ARHGEF38: variants seen among roughly 807,000 people sequenced by gnomAD.
ARHGEF38 encodes Rho guanine nucleotide exchange factor 38.
A neutral mutation model predicts 79.9 loss-of-function variants in ARHGEF38; 79 were observed. The ratio of observed to expected loss-of-function variants is 0.99; its 90% CI spans 0.82 to 1.19. The LOEUF is 1.19. ARHGEF38 is among the 50% of genes most tolerant of loss of function. ARHGEF38 has a pLI of 0.00. For synonymous variants in ARHGEF38, 366 were observed against 328.3 expected, an observed-to-expected ratio of 1.11 and a Z score of -1.24; for missense variants, 962 against 907.2, an observed-to-expected ratio of 1.06 and a Z score of -0.78.
chr4:105,602,217 G>T (rs948943682), intron 2 of ARHGEF38, among the ~76,000 whole-genome samples: 8 of 152,252 alleles, frequency 5.3e-5, no homozygotes, highest in African/African-American at 1.9e-4. Flanking sequence ...GTTTAAAAAT[G>T]AGTTAATTCC....
At chr4:105,604,029 T>C (rs1165781826) in intron 2 of ARHGEF38, among the ~76,000 whole-genome samples, 1 of 152,144 alleles carries the variant, frequency 6.6e-6, no homozygotes. Context: ...GGAGACATCC[T>C]GGGGAAGAAA....
Position 105,667,314 on chromosome 4 carries a change from T to C in ARHGEF38, c.1875T>C (p.Leu625=), listed in dbSNP as rs1039335307. The C allele has an allele frequency of 3.3e-6, 5 of 1,535,976 alleles. No individual in the cohort carries two copies. The South Asian group carries it at 4.8e-5, about 15-fold the overall frequency. Residue 625 remains leucine (L), a synonymous_variant, in exon 12 of 14, where the codon CTT becomes CTC. Coordinates refer to ENST00000420470, the MANE Select transcript of ARHGEF38 (RefSeq NM_001242729.2). ...CACTGGGGAGTACAAGCAGGTGGCT[T>C]GTGGACACAGGAAGTAAGTTTTTCC... The part of the protein sequence containing the change: ...KDPLGSTSRW[L]VDTGNVKGYV...
intron 3 of ARHGEF38, among the ~76,000 whole-genome samples, chr4:105,621,180 G>A (rs534749381): frequency 2.6e-5 from 4 of 152,172 alleles, no homozygotes; most frequent in Non-Finnish European, 4.4e-5. Context: ...GATGTCAAGT[G>A]TAGCAAAAGA....
chr4:105,613,127 G>A (rs1024104557), intron 2 of ARHGEF38, among the ~76,000 whole-genome samples: 1 of 151,900 alleles, frequency 6.6e-6, no homozygotes, highest in Non-Finnish European at 1.5e-5. Context: ...TTCCCATTCT[G>A]GTTCTTATAG....
intron 1 of ARHGEF38, among the ~76,000 whole-genome samples, chr4:105,587,706 T>C (rs1469540284): frequency 1.3e-5 from 2 of 152,098 alleles, no homozygotes; most frequent in Admixed American, 1.3e-4. Context: ...GTGATCTGCC[T>C]GCCTCGGCCT....
At chr4:105,583,822 G>A (rs910320353) in intron 1 of ARHGEF38, among the ~76,000 whole-genome samples, 2 of 152,038 alleles carry the variant, frequency 1.3e-5, no homozygotes, top group African/African-American at 4.8e-5. Context: ...AAATCCATAT[G>A]AGAGCCAGTT....
chr4:105,573,841 CTT>C (rs1261790412), intron 1 of ARHGEF38, among the ~76,000 whole-genome samples: 1 of 151,836 alleles, frequency 6.6e-6, no homozygotes, highest in Non-Finnish European at 1.5e-5. Context: ...AATATCAAGT[CTT>C]TCCGTCCATG....
chr4:105,605,757 A>C (rs1728011305), intron 2 of ARHGEF38, among the ~76,000 whole-genome samples: 1 of 152,100 alleles, frequency 6.6e-6, no homozygotes. Flanking sequence ...CATAGTAATG[A>C]GTTAATTATC....
chr4:105,667,213 A>G lies in ARHGEF38; in HGVS notation c.1774A>G (p.Lys592Glu). 6.5e-7 allele frequency: 1 copy of G among 1,536,188 alleles called. No homozygotes were observed. Among genetic ancestry groups the G allele is most frequent in the Non-Finnish European group, 8.7e-7 (1 of 1,146,914 alleles). Residue 592 changes from lysine (K) to glutamate (E), a missense_variant, in exon 12 of 14, where the codon AAG becomes GAG. Transcript: ENST00000420470. ...AGAGGAACTCTATCAAGCTAAGCGC[A>G]AGTGCAATGCTACACAAGAATATGA... ...SAEELYQAKR[K>E]CNATQEYDIN...
At chr4:105,618,671 C>T (rs912623630) in intron 3 of ARHGEF38, among the ~76,000 whole-genome samples, 4 of 152,104 alleles carry the variant, frequency 2.6e-5, no homozygotes, top group Non-Finnish European at 5.9e-5. Context: ...ATTACATAAA[C>T]ACCACAGTCA....
chr4:105,642,535 T>C (rs1415042471), intron 5 of ARHGEF38, among the ~76,000 whole-genome samples: 1 of 152,078 alleles, frequency 6.6e-6, no homozygotes, highest in Admixed American at 6.6e-5. Context: ...AAGAAAGAAA[T>C]GAGAGCAGTT....
At chr4:105,618,727 G>GAA (rs1440903026) in intron 3 of ARHGEF38, among the ~76,000 whole-genome samples, 1 of 152,212 alleles carries the variant, frequency 6.6e-6, no homozygotes, top group Non-Finnish European at 1.5e-5. Context: ...TTTAGTGGGT[G>GAA]AAAGTTAGAG....
chr4:105,590,947 T>G (rs995479012), intron 2 of ARHGEF38, among the ~76,000 whole-genome samples: 2 of 152,180 alleles, frequency 1.3e-5, no homozygotes, highest in Non-Finnish European at 2.9e-5. Context: ...TTTTTCTTAT[T>G]ATTTTATAAG....
At chr4:105,558,925 G>A (rs1279357161) in intron 1 of ARHGEF38, among the ~76,000 whole-genome samples, 1 of 150,808 alleles carries the variant, frequency 6.6e-6, no homozygotes, top group Non-Finnish European at 1.5e-5. Flanking sequence ...GAGACAGACA[G>A]AAACCAAGCA....
intron 2 of ARHGEF38, among the ~76,000 whole-genome samples, chr4:105,601,420 T>G (rs1727816847): frequency 6.6e-6 from 1 of 152,138 alleles, no homozygotes; most frequent in Non-Finnish European, 1.5e-5. Context: ...TAAAAGGATT[T>G]TAGATGGTAT....
chr4:105,585,300 G>A (rs1310541919), intron 1 of ARHGEF38, among the ~76,000 whole-genome samples: 1 of 152,172 alleles, frequency 6.6e-6, no homozygotes, highest in Non-Finnish European at 1.5e-5. Flanking sequence ...ATAGTTTACA[G>A]GTAAGGAAAC....
intron 1 of ARHGEF38, chr4:105,561,464 A>G (rs74621457): frequency 0.13 from 5,714 of 42,368 alleles, 1,036 homozygotes; most frequent in Non-Finnish European, 0.16. Flanking sequence ...AGAATAGAAT[A>G]GAATAGAATA....
chr4:105,667,571 G>C lies in ARHGEF38; in HGVS notation c.2016G>C (p.Arg672=). 5 of 1,536,690 alleles carry C rather than the reference G, an allele frequency of 3.3e-6. No individual in the cohort carries two copies. Among genetic ancestry groups the C allele is most frequent in the Non-Finnish European group, 4.4e-6 (5 of 1,147,046 alleles). ...FENISLFVSS[R]PASDSVTGTS... is the part of the protein sequence containing the mutation. ...ACATCAGCCTCTTCGTGTCTTCACG[G>C]CCAGCTAGTGACAGTGTCACAGGCA... The change falls in exon 13 of 14, where the codon CGG becomes CGC. Residue 672 remains arginine, a synonymous_variant. Transcript: ENST00000420470.
intron 10 of ARHGEF38, among the ~76,000 whole-genome samples, chr4:105,661,206 A>ACACTTTACTTATTCATTCGTCAG (rs1435306262): frequency 3.9e-5 from 6 of 152,156 alleles, no homozygotes; most frequent in African/African-American, 1.4e-4. Flanking sequence ...TGAATATACC[A>ACACTTTACTTATTCATTCGTCAG]CACTTTACTT....
Sources: allele counts gnomAD v4.1 joint callset (sites outside exome capture counted in the v4.1 genomes callset), GRCh38; gene constraint gnomAD v4.1.1; transcripts MANE v1.5; gene names NCBI Gene and HGNC (gene_info 2026-07-23, HGNC 2026-07-21).